The following SHISA6 variants were observed in gnomAD, a reference collection of about 807,000 sequenced individuals.
SHISA6 encodes the protein protein shisa-6.
Under a neutral mutation model 47.9 loss-of-function variants are expected in SHISA6, and 22 were observed. The observed-to-expected ratio is 0.46, with a 90% confidence interval of 0.33 to 0.66. The LOEUF is 0.66. Ranked by LOEUF, SHISA6 falls within the 30% of genes least tolerant of loss-of-function variation. SHISA6 has a pLI of 0.02. For missense variants in SHISA6, 680 were observed against 764.6 expected (o/e 0.89, Z 1.30); for synonymous variants, 388 against 337.8 (o/e 1.15, Z -1.63).
Position 11,365,492 on chromosome 17 carries a change from G to C in SHISA6, c.800-13922G>C, listed in dbSNP as rs1487242593. On this transcript the variant is annotated intron_variant, in intron 2 of 5. Coordinates refer to ENST00000441885, the MANE Select transcript of SHISA6 (RefSeq NM_207386.4). ...GGGGTTTTACCATGTTGGCCAGGCT[G>C]GTCTCAAGCTCCTGACCTCAAGTGA... is the stretch of plus-strand genomic sequence containing the variant. Among the ~76,000 whole-genome samples, 4 of 152,152 alleles carry C rather than the reference G, an allele frequency of 2.6e-5. No homozygotes were observed. The East Asian group carries it at 7.7e-4, about 29-fold the overall frequency.
chr17:11,380,586 A>C (rs1269233753), intron 3 of SHISA6: 2 of 152,210 alleles, frequency 1.3e-5, no homozygotes, highest in East Asian at 3.9e-4. Context: ...TATTAACTCA[A>C]ACCTGGGATT....
intron 2 of SHISA6, among the ~76,000 whole-genome samples, chr17:11,264,381 G>A (rs1351335335): frequency 6.6e-6 from 1 of 152,206 alleles, no homozygotes; most frequent in Non-Finnish European, 1.5e-5. Flanking sequence ...TGATTAGTAA[G>A]AGAGAAAAAC....
intron 3 of SHISA6, among the ~76,000 whole-genome samples, chr17:11,389,320 A>C (rs981924850): frequency 6.6e-6 from 1 of 152,208 alleles, no homozygotes; most frequent in Non-Finnish European, 1.5e-5. Flanking sequence ...GAGGAGTGCC[A>C]GATAAACTGC....
chr17:11,544,953 T>C (rs1361377699), intron 3 of SHISA6, among the ~76,000 whole-genome samples: 2 of 113,396 alleles, frequency 1.8e-5, no homozygotes, highest in Admixed American at 1.0e-4. Flanking sequence ...AGAGAAAGAC[T>C]CTCTCTCCAA....
At chr17:11,540,906 C>T (rs898506491) in intron 3 of SHISA6, among the ~76,000 whole-genome samples, 2 of 152,146 alleles carry the variant, frequency 1.3e-5, no homozygotes, top group African/African-American at 4.8e-5. Flanking sequence ...AAAACACAAA[C>T]CTTCTTGGAG....
chr17:11,332,859 C>T (rs1428913518), intron 2 of SHISA6, among the ~76,000 whole-genome samples: 2 of 152,098 alleles, frequency 1.3e-5, no homozygotes, highest in African/African-American at 4.8e-5. Context: ...CACTGGAAGC[C>T]TGCCGAACCC....
chr17:11,463,152 C>T (rs1039889022), intron 3 of SHISA6, among the ~76,000 whole-genome samples: 1 of 152,126 alleles, frequency 6.6e-6, no homozygotes, highest in Non-Finnish European at 1.5e-5. Context: ...AAGGAAAACT[C>T]GGGACCCTCA....
intron 2 of SHISA6, among the ~76,000 whole-genome samples, chr17:11,292,807 G>A (rs958418322): frequency 2.0e-5 from 3 of 151,450 alleles, no homozygotes; most frequent in African/African-American, 7.3e-5. Context: ...TTTCAAGCAG[G>A]AGCCACAATC....
At chr17:11,430,995 C>T (rs1914756591) in intron 3 of SHISA6, among the ~76,000 whole-genome samples, 1 of 152,194 alleles carries the variant, frequency 6.6e-6, no homozygotes, top group Middle Eastern at 3.2e-3. Context: ...AAGTTAGTCT[C>T]CCCTCACTGG....
intron 3 of SHISA6, among the ~76,000 whole-genome samples, chr17:11,468,858 T>G (rs1244302982): frequency 6.6e-6 from 1 of 151,092 alleles, no homozygotes; most frequent in African/African-American, 2.4e-5. Flanking sequence ...CCATTTCTAC[T>G]AAAAATACAA....
At chr17:11,346,403 G>A (rs75814258) in intron 2 of SHISA6, among the ~76,000 whole-genome samples, 12,939 of 152,136 alleles carry the variant, frequency 0.085, 853 homozygotes, top group East Asian at 0.23. Flanking sequence ...AGTTATAAGT[G>A]TCTAAGAACT....
chr17:11,376,327 T>G (rs1450628085), intron 2 of SHISA6, among the ~76,000 whole-genome samples: 7 of 2,556 alleles, frequency 2.7e-3, no homozygotes, highest in Admixed American at 4.2e-3. Flanking sequence ...TTTTGTTTGT[T>G]TTTTTTTTTT....
chr17:11,320,006 G>A (rs9900988), intron 2 of SHISA6, among the ~76,000 whole-genome samples: 7,192 of 152,128 alleles, frequency 0.047, 527 homozygotes, highest in African/African-American at 0.16. Context: ...TGTCCCTAGG[G>A]TTCTGAAAAT....
chr17:11,520,855 T>C (rs1316972355), intron 3 of SHISA6, among the ~76,000 whole-genome samples: 1 of 152,222 alleles, frequency 6.6e-6, no homozygotes, highest in Non-Finnish European at 1.5e-5. Flanking sequence ...CTTTTCAGCC[T>C]TATCACTATG....
intron 3 of SHISA6, among the ~76,000 whole-genome samples, chr17:11,429,086 G>A (rs1009366225): frequency 6.6e-6 from 1 of 152,086 alleles, no homozygotes; most frequent in African/African-American, 2.4e-5. Context: ...ACCGTGCCCG[G>A]CCAAGGGATC....
At chr17:11,261,763 A>G (rs752997992) in intron 1 of SHISA6, among the ~76,000 whole-genome samples, 10 of 152,198 alleles carry the variant, frequency 6.6e-5, no homozygotes, top group Non-Finnish European at 1.3e-4. Flanking sequence ...TACTGCTGCT[A>G]TGAACCTTTG....
chr17:11,475,461 C>T (rs372089894), intron 3 of SHISA6, among the ~76,000 whole-genome samples: 4 of 152,128 alleles, frequency 2.6e-5, no homozygotes, highest in African/African-American at 9.6e-5. Context: ...CCTTCTATTC[C>T]TAGTTTAGTG....
intron 1 of SHISA6, among the ~76,000 whole-genome samples, chr17:11,260,479 GTC>G (rs1358391210): frequency 6.6e-6 from 1 of 151,860 alleles, no homozygotes; most frequent in Non-Finnish European, 1.5e-5. Context: ...CCGTCTCTGT[GTC>G]TCTCTCCGTC....
At chr17:11,523,877 G>A (rs906637940) in intron 3 of SHISA6, among the ~76,000 whole-genome samples, 6 of 151,948 alleles carry the variant, frequency 3.9e-5, no homozygotes, top group African/African-American at 1.5e-4. Context: ...ATGGTGGCGC[G>A]TGCCTGTAAT....
Sources: gnomAD v4.1 joint callset for allele counts (sites outside exome capture counted in the v4.1 genomes callset) on GRCh38, gnomAD v4.1.1 for gene constraint, MANE v1.5 for transcripts, NCBI Gene and HGNC (gene_info 2026-07-23, HGNC 2026-07-21) for gene names.